VEPH1: variants seen among roughly 807,000 people sequenced by gnomAD.
The protein encoded by VEPH1 is ventricular zone-expressed PH domain-containing protein homolog 1.
VEPH1 carries 80 observed loss-of-function variants against 85.2 expected under a neutral mutation model. The ratio of observed to expected loss-of-function variants is 0.94; its 90% CI spans 0.78 to 1.13. VEPH1 has a LOEUF of 1.13. VEPH1 is among the 50% of genes most tolerant of loss of function. VEPH1 has a pLI of 0.00. For missense variants in VEPH1, 955 were observed against 980.5 expected, an observed-to-expected ratio of 0.97 and a Z score of 0.35; for synonymous variants, 297 against 348.0, an observed-to-expected ratio of 0.85 and a Z score of 1.63.
chr3:157,488,507 C>CT (rs1197141390), intron 2 of VEPH1, among the ~76,000 whole-genome samples: 4,646 of 131,794 alleles, frequency 0.035, 107 homozygotes, highest in Non-Finnish European at 0.048. Context: ...TTCTTTCTTT[C>CT]TTTTTTTTTT....
At chr3:157,402,127 A>G (rs1185701442) in intron 6 of VEPH1, among the ~76,000 whole-genome samples, 1 of 152,200 alleles carries the variant, frequency 6.6e-6, no homozygotes, top group African/African-American at 2.4e-5. Context: ...ATTGTATGGG[A>G]TGCTCAAATC....
intron 12 of VEPH1, among the ~76,000 whole-genome samples, chr3:157,282,190 T>G (rs544083493): frequency 6.6e-6 from 1 of 152,254 alleles, no homozygotes; most frequent in African/African-American, 2.4e-5. Flanking sequence ...ATTTATTTAT[T>G]TAGTTAATTA....
At chr3:157,417,693 G>A (rs1577605599) in intron 5 of VEPH1, among the ~76,000 whole-genome samples, 1 of 151,996 alleles carries the variant, frequency 6.6e-6, no homozygotes, top group African/African-American at 2.4e-5. Context: ...TTTCAAATTC[G>A]ATCTCAAATC....
chr3:157,386,515 G>A (rs1729320363), intron 6 of VEPH1, among the ~76,000 whole-genome samples: 1 of 152,158 alleles, frequency 6.6e-6, no homozygotes, highest in Admixed American at 6.5e-5. Context: ...AAGAAAGGGA[G>A]AGGAGTGATT....
intron 2 of VEPH1, among the ~76,000 whole-genome samples, chr3:157,482,626 T>G (rs1408787139): frequency 1.3e-5 from 2 of 152,234 alleles, no homozygotes; most frequent in African/African-American, 4.8e-5. Flanking sequence ...GCATGGAATA[T>G]TTTTCCATTT....
intron 2 of VEPH1, 150 bp from the exon 3 acceptor site, chr3:157,470,679 T>G: frequency 1.5e-6 from 1 of 675,782 alleles, no homozygotes; most frequent in Non-Finnish European, 2.5e-6. Context: ...AAAGGCTTCC[T>G]TCCTTGGAGA....
At chr3:157,372,981 C>T (rs371341569) in intron 7 of VEPH1, among the ~76,000 whole-genome samples, 2 of 152,160 alleles carry the variant, frequency 1.3e-5, no homozygotes, top group African/African-American at 4.8e-5. Flanking sequence ...TTATAATGCA[C>T]ACCTGTAACA....
chr3:157,437,650 G>T, intron 4 of VEPH1: 5 of 1,546,686 alleles, frequency 3.2e-6, no homozygotes, highest in Non-Finnish European at 4.4e-6. Context: ...GAGGCTGCGG[G>T]AGGAGCTGGG....
At chr3:157,331,402 A>G (rs1270187113) in intron 9 of VEPH1, among the ~76,000 whole-genome samples, 1 of 152,158 alleles carries the variant, frequency 6.6e-6, no homozygotes, top group Non-Finnish European at 1.5e-5. Flanking sequence ...TCTTACCCCC[A>G]TTGCGTATGC....
At chr3:157,316,404 G>A (rs1720760430) in intron 10 of VEPH1, among the ~76,000 whole-genome samples, 3 of 151,004 alleles carry the variant, frequency 2.0e-5, no homozygotes, top group South Asian at 4.2e-4. Context: ...ACTGGGTCAG[G>A]GGTCAGACGA....
intron 9 of VEPH1, 162 bp downstream of exon 9, chr3:157,363,202 G>GGA: frequency 1.1e-5 from 5 of 465,784 alleles, no homozygotes; most frequent in Non-Finnish European, 1.0e-5. Flanking sequence ...CTTTTCTTGG[G>GGA]AAAAAAAAAA....
chr3:157,437,909 C>T (rs750633744), intron 4 of VEPH1: 2 of 1,525,016 alleles, frequency 1.3e-6, no homozygotes, highest in Non-Finnish European at 8.7e-7. Context: ...AGCTGGCTGC[C>T]GGCAGGTAAG....
intron 11 of VEPH1, among the ~76,000 whole-genome samples, chr3:157,301,281 G>A (rs536461244): frequency 6.6e-6 from 1 of 152,254 alleles, no homozygotes; most frequent in South Asian, 2.1e-4. Flanking sequence ...GTGTATTGGG[G>A]CTATGAGGAG....
At chr3:157,313,835 T>C in intron 10 of VEPH1, 80 bp from the exon 11 acceptor site, 11 of 1,533,132 alleles carry the variant, frequency 7.2e-6, no homozygotes, top group South Asian at 2.4e-5. Context: ...CAAGGCACTG[T>C]TTAGGCTTGG....
At chr3:157,313,977 G>A (rs1049817537) in intron 10 of VEPH1, among the ~76,000 whole-genome samples, 4 of 151,862 alleles carry the variant, frequency 2.6e-5, no homozygotes, top group African/African-American at 7.3e-5. Context: ...CGGGAGGATC[G>A]CTTGAGACCA....
At chr3:157,410,941 A>C (rs1245621728) in intron 6 of VEPH1, among the ~76,000 whole-genome samples, 1 of 152,190 alleles carries the variant, frequency 6.6e-6, no homozygotes, top group Non-Finnish European at 1.5e-5. Context: ...CCCCTGTTTA[A>C]CTGGGCATGG....
chr3:157,284,268 G>C (rs905834172), intron 12 of VEPH1, among the ~76,000 whole-genome samples: 17 of 152,134 alleles, frequency 1.1e-4, no homozygotes, highest in African/African-American at 3.9e-4. Context: ...CATAAAAGAA[G>C]TATGCTAGAT....
intron 12 of VEPH1, among the ~76,000 whole-genome samples, chr3:157,278,045 TA>T (rs1715620878): frequency 1.3e-5 from 2 of 152,194 alleles, no homozygotes; most frequent in African/African-American, 4.8e-5. Flanking sequence ...TGTTGTGTGC[TA>T]GGGGCTGAGG....
rs532591808 is a variant in VEPH1, at chr3:157,495,592, G to C, written c.-157-86C>G. 2.1e-4 allele frequency: 166 copies of C among 789,870 alleles called. 2 individuals are homozygous for C. The South Asian group carries it at 7.0e-3, about 33-fold the overall frequency. The allele number at this position is 789,870 out of a possible 1,614,324, so 48.9% of individuals were successfully genotyped here. A position where few individuals can be genotyped will look rare whatever the true frequency, so the allele number is the denominator to read the frequency against. ...GAACTCAGTGTCCAGCGGAGAGAGA[G>C]AGAAAAAAGAAACTTGGAAACATGT... On this transcript the variant is annotated intron_variant, in intron 1 of 13. Transcript: ENST00000362010.
Sources: allele counts gnomAD v4.1 joint callset (sites outside exome capture counted in the v4.1 genomes callset), GRCh38; gene constraint gnomAD v4.1.1; transcripts MANE v1.5; gene names NCBI Gene and HGNC (gene_info 2026-07-23, HGNC 2026-07-21).